The following CTNND2 variants were observed in gnomAD, a reference collection of about 807,000 sequenced individuals.
CTNND2 encodes catenin delta-2.
A neutral mutation model predicts 144.4 loss-of-function variants in CTNND2; 22 were observed. The observed-to-expected ratio is 0.15, with a 90% confidence interval of 0.11 to 0.22. The LOEUF is 0.22. CTNND2 is among the 10% of genes least tolerant of loss of function. The probability of loss-of-function intolerance (pLI) is 1.00; values close to 1 mark genes in which losing one functional copy is unlikely to be tolerated. For synonymous variants in CTNND2, 751 were observed against 695.6 expected (o/e 1.08, Z -1.25); for missense variants, 1,353 against 1,618.8 (o/e 0.84, Z 2.82).
chr5:11,745,259 G>A (rs1581812888), intron 1 of CTNND2, among the ~76,000 whole-genome samples: 1 of 152,124 alleles, frequency 6.6e-6, no homozygotes, highest in East Asian at 1.9e-4. Flanking sequence ...CCTCACACAT[G>A]TTGGCTCCAC....
intron 16 of CTNND2, among the ~76,000 whole-genome samples, chr5:11,066,446 C>G (rs2149603866): frequency 6.6e-6 from 1 of 151,998 alleles, no homozygotes; most frequent in East Asian, 1.9e-4. Flanking sequence ...ACCTACAGCC[C>G]CCCTCACTCC....
chr5:11,048,941 CA>C (rs1745559404), intron 16 of CTNND2, among the ~76,000 whole-genome samples: 1 of 152,208 alleles, frequency 6.6e-6, no homozygotes, highest in African/African-American at 2.4e-5. Context: ...GCAGGACAGA[CA>C]GCAGCAGCTC....
intron 16 of CTNND2, among the ~76,000 whole-genome samples, chr5:11,030,334 C>A (rs1037856389): frequency 2.6e-5 from 4 of 152,102 alleles, no homozygotes; most frequent in African/African-American, 4.8e-5. Context: ...ATCTCTCTAT[C>A]CCTTTCCCAC....
Position 11,384,699 on chromosome 5 carries a change from G to T in CTNND2, c.1143C>A (p.Ala381=). 1 of 1,608,800 alleles carries T rather than the reference G, an allele frequency of 6.2e-7. No individual in the cohort carries two copies. The highest frequency in any genetic ancestry group is 8.5e-7 in the Non-Finnish European group (1 of 1,179,002). ...TGCCCGGCCTCTGGAGGGTGGCCGTGGCATACAGCTCCTGCGAGTGCTTGC... is the reference window on the plus strand; with the variant it reads ...TGCCCGGCCTCTGGAGGGTGGCCGTTGCATACAGCTCCTGCGAGTGCTTGC... ...QYSKHSQELY[A]TATLQRPGSL... Residue 381 remains alanine, a synonymous_variant, in exon 7 of 22, where the codon GCC becomes GCA. Coordinates refer to ENST00000304623, the MANE Select transcript of CTNND2 (RefSeq NM_001332.4). This position sits in a 1 kb window ranked among gnomAD's most constrained non-coding sequence, Gnocchi z 5.2.
chr5:11,852,172 A>T (rs146243434), intron 1 of CTNND2, among the ~76,000 whole-genome samples: 1 of 152,056 alleles, frequency 6.6e-6, no homozygotes, highest in African/African-American at 2.4e-5. Context: ...ATGGTATCAC[A>T]CTCAGCCCCA....
intron 2 of CTNND2, among the ~76,000 whole-genome samples, chr5:11,663,198 G>A (rs1387656178): frequency 6.6e-6 from 1 of 152,162 alleles, no homozygotes; most frequent in Admixed American, 6.6e-5. Flanking sequence ...CATAAAAAAT[G>A]TGTCTGCATA....
intron 3 of CTNND2, among the ~76,000 whole-genome samples, chr5:11,536,414 A>G (rs995097464): frequency 6.6e-6 from 1 of 151,960 alleles, no homozygotes; most frequent in East Asian, 1.9e-4. Flanking sequence ...TACGAAAAAG[A>G]TACTTGCACA....
intron 12 of CTNND2, among the ~76,000 whole-genome samples, chr5:11,136,038 G>C (rs531353787): frequency 6.6e-6 from 1 of 152,268 alleles, no homozygotes; most frequent in African/African-American, 2.4e-5. Flanking sequence ...AGGATGAGTG[G>C]CCTTATAAAA....
chr5:11,090,799 T>C (rs996760978), intron 15 of CTNND2, among the ~76,000 whole-genome samples: 1 of 139,610 alleles, frequency 7.2e-6, no homozygotes, highest in African/African-American at 3.2e-5. Flanking sequence ...AGTTCAGCCT[T>C]TTTTTTCTTT....
chr5:11,439,149 G>A (rs1018897944), intron 3 of CTNND2, among the ~76,000 whole-genome samples: 1 of 152,118 alleles, frequency 6.6e-6, no homozygotes, highest in African/African-American at 2.4e-5. Flanking sequence ...ATAATCCAAT[G>A]CATGGATGCA....
intron 16 of CTNND2, among the ~76,000 whole-genome samples, chr5:11,073,749 ACCT>A (rs1748603417): frequency 6.6e-6 from 1 of 152,148 alleles, no homozygotes; most frequent in Admixed American, 6.5e-5. Context: ...TAACATAGGC[ACCT>A]AATCTGAAGA....
At chr5:11,620,143 A>C (rs946077966) in intron 2 of CTNND2, among the ~76,000 whole-genome samples, 4 of 152,188 alleles carry the variant, frequency 2.6e-5, no homozygotes, top group Non-Finnish European at 5.9e-5. Context: ...AATAATGGCT[A>C]ATAGGTATCC....
chr5:11,822,639 C>T (rs922119455), intron 1 of CTNND2, among the ~76,000 whole-genome samples: 1 of 152,050 alleles, frequency 6.6e-6, no homozygotes, highest in Non-Finnish European at 1.5e-5. Flanking sequence ...ATAGTAGTCC[C>T]TCTCTAGTGC....
At chr5:11,484,563 C>T (rs1456964567) in intron 3 of CTNND2, among the ~76,000 whole-genome samples, 1 of 152,160 alleles carries the variant, frequency 6.6e-6, no homozygotes, top group Non-Finnish European at 1.5e-5. Context: ...CATCTATATC[C>T]TGTGGGAAGC....
At chr5:11,360,940 T>A (rs1756387407) in intron 8 of CTNND2, among the ~76,000 whole-genome samples, 1 of 152,224 alleles carries the variant, frequency 6.6e-6, no homozygotes, top group African/African-American at 2.4e-5. Flanking sequence ...CTATCTATTT[T>A]GTTTTTAAAT....
At chr5:11,199,960 C>T (rs971217439) in intron 10 of CTNND2, among the ~76,000 whole-genome samples, 2 of 152,186 alleles carry the variant, frequency 1.3e-5, no homozygotes, top group African/African-American at 4.8e-5. Context: ...TATGCCACAA[C>T]CTCATGGATG....
chr5:11,586,155 G>T (rs1442910732), intron 2 of CTNND2, among the ~76,000 whole-genome samples: 1 of 152,132 alleles, frequency 6.6e-6, no homozygotes, highest in African/African-American at 2.4e-5. Context: ...AGGTTATTTT[G>T]TGTGTCACTT....
chr5:11,435,204 T>C (rs1763658513), intron 3 of CTNND2, among the ~76,000 whole-genome samples: 1 of 151,978 alleles, frequency 6.6e-6, no homozygotes, highest in Non-Finnish European at 1.5e-5. Flanking sequence ...AGTGGCGCGA[T>C]CACAGCTCAC....
intron 21 of CTNND2, among the ~76,000 whole-genome samples, chr5:10,975,377 G>A (rs11748493): frequency 0.011 from 1,600 of 152,264 alleles, 22 homozygotes; most frequent in Non-Finnish European, 0.018. Flanking sequence ...TACTCCAGTA[G>A]TCATAAATAT....
Sources: gnomAD v4.1 joint callset for allele counts (sites outside exome capture counted in the v4.1 genomes callset) on GRCh38, gnomAD v4.1.1 for gene constraint, Gnocchi (gnomAD v3.1) non-coding constraint, MANE v1.5 for transcripts, NCBI Gene and HGNC (gene_info 2026-07-23, HGNC 2026-07-21) for gene names.